Variants in KANSL1 observed in about 807,000 individuals in gnomAD.
KANSL1 encodes the protein MLL1/MLL complex subunit KANSL1.
In KANSL1, 22 loss-of-function variants were observed where a neutral mutation model predicts 103.6. That is an observed-to-expected ratio of 0.21 (90% confidence interval 0.15 to 0.30). The LOEUF is 0.30. Among genes scored for constraint, KANSL1 ranks in the 10% least tolerant of loss-of-function variants. KANSL1 has a pLI of 1.00. For synonymous variants in KANSL1, 600 were observed against 527.6 expected (o/e 1.14, Z -1.88); for missense variants, 1,337 against 1,399.8 (o/e 0.96, Z 0.72).
At chr17:46,187,552 A>T (rs2047089944) in intron 1 of KANSL1, among the ~76,000 whole-genome samples, 1 of 152,252 alleles carries the variant, frequency 6.6e-6, no homozygotes. Flanking sequence ...AATTCTAAAA[A>T]AATTACAGCC....
intron 2 of KANSL1, among the ~76,000 whole-genome samples, chr17:46,132,697 C>G (rs1356176528): frequency 6.6e-6 from 1 of 152,162 alleles, no homozygotes; most frequent in East Asian, 1.9e-4. Context: ...CCTGCAATCC[C>G]GACATTTTGG....
At chr17:46,082,354 A>C in intron 4 of KANSL1, 87 bp downstream of exon 4, 11 of 743,764 alleles carry the variant, frequency 1.5e-5, no homozygotes, top group East Asian at 5.4e-5. Flanking sequence ...AGCCAATGCA[A>C]GGATCCTAGT....
chr17:46,092,165 G>A (rs1353438690), intron 3 of KANSL1, among the ~76,000 whole-genome samples: 2 of 152,162 alleles, frequency 1.3e-5, no homozygotes, highest in Non-Finnish European at 2.9e-5. Flanking sequence ...ACTTTATGAT[G>A]TTCACGCACC....
At chr17:46,167,383 C>T (rs2147692085) in intron 2 of KANSL1, among the ~76,000 whole-genome samples, 1 of 152,316 alleles carries the variant, frequency 6.6e-6, no homozygotes, top group East Asian at 1.9e-4. Flanking sequence ...TTTATTTCTA[C>T]ATCTACAATT....
intron 10 of KANSL1, chr17:46,035,751 A>C (rs1046501751): frequency 6.6e-6 from 1 of 152,328 alleles, no homozygotes; most frequent in Non-Finnish European, 1.5e-5. Flanking sequence ...AATAAATGTG[A>C]AACTGCTGGC....
At chr17:46,032,760 G>C (rs1038059528) in intron 13 of KANSL1, among the ~76,000 whole-genome samples, 1 of 152,146 alleles carries the variant, frequency 6.6e-6, no homozygotes, top group African/African-American at 2.4e-5. Context: ...TTAACTTGTA[G>C]CGAGGCCTTC....
intron 3 of KANSL1, among the ~76,000 whole-genome samples, chr17:46,084,643 T>C (rs1598579248): frequency 3.5e-5 from 5 of 142,662 alleles, no homozygotes; most frequent in Admixed American, 3.0e-4. Flanking sequence ...GACTGTGCCA[T>C]TGCACTCCAG....
intron 3 of KANSL1, among the ~76,000 whole-genome samples, chr17:46,091,159 T>C (rs2079372311): frequency 6.6e-6 from 1 of 152,178 alleles, no homozygotes; most frequent in Non-Finnish European, 1.5e-5. Flanking sequence ...CCTGACCCCA[T>C]GTGGGCCTAC....
intron 4 of KANSL1, among the ~76,000 whole-genome samples, chr17:46,073,503 A>C (rs1159569229): frequency 6.6e-6 from 1 of 152,226 alleles, no homozygotes; most frequent in Admixed American, 6.5e-5. Flanking sequence ...GGTGCAAAAA[A>C]ATACAGGAAA....
chr17:46,115,184 C>T (rs765731592), intron 2 of KANSL1, among the ~76,000 whole-genome samples: 17 of 152,242 alleles, frequency 1.1e-4, no homozygotes, highest in Admixed American at 6.5e-4. Context: ...CTCAGCCTCC[C>T]GTGTAGCTGG....
chr17:46,050,350 G>A lies in KANSL1; in HGVS notation c.2020+183C>T, dbSNP rs2077668835. Reference sequence around the variant, plus strand: ...TCTCATATTAAGTTGCAACCTTTTAGTGGCACCTTCTGGTTTGGTGGATCT... The same window carrying A: ...TCTCATATTAAGTTGCAACCTTTTAATGGCACCTTCTGGTTTGGTGGATCT... On this transcript the variant is annotated intron_variant, in intron 7 of 14. Coordinates refer to ENST00000432791, the MANE Select transcript of KANSL1 (RefSeq NM_015443.4). 5.0e-6 allele frequency: 3 copies of A among 599,132 alleles called. No homozygotes were observed. In the South Asian group the frequency reaches 6.6e-5, roughly 13 times the overall value. 37.1% of individuals were successfully genotyped at this position (599,132 alleles called of 1,614,324 possible). A position where few individuals can be genotyped will look rare whatever the true frequency, so the allele number is the denominator to read the frequency against.
Position 46,119,057 on chromosome 17 carries a change from T to C in KANSL1, c.1290-24356A>G, listed in dbSNP as rs540572624. On this transcript the variant is annotated intron_variant, in intron 2 of 14. Transcript: ENST00000432791. ...ACCAGCCTTAATATTTTCTACTGAA[T>C]TTGCTTTCTCCAGCTGGATCCTATA... is the stretch of plus-strand genomic sequence containing the variant. Among the ~76,000 whole-genome samples the C allele has an allele frequency of 6.6e-5, 10 of 152,344 alleles. No homozygotes were observed. The East Asian group carries it at 1.9e-3, about 29-fold the overall frequency.
rs757048501 is a variant in KANSL1 at position 46,171,560 on chromosome 17, C to A, written c.584G>T (p.Gly195Val). ...SSALHGGEMGGSESGDLKGGM... is the reference protein window; with the variant it reads ...SSALHGGEMGVSESGDLKGGM... ...CCCCTTCAAGTCCCCAGATTCAGAT[C>A]CTCCCATTTCACCCCCATGAAGAGC... Residue 195 changes from glycine to valine, a missense_variant, in exon 2 of 15, where the codon GGA becomes GTA. By Grantham distance (109) the Gly-to-Val change is moderately radical. This residue lies in a region of KANSL1 where 557 missense variants were observed against 476.4 expected (regional missense o/e 1.17). Coordinates refer to ENST00000432791, the MANE Select transcript of KANSL1 (RefSeq NM_015443.4). 4.4e-6 allele frequency: 7 copies of A among 1,608,880 alleles called. No individual in the cohort carries two copies. In the East Asian group the frequency reaches 1.3e-4, roughly 31 times the overall value.
At chr17:46,111,304 G>A (rs967498852) in intron 2 of KANSL1, among the ~76,000 whole-genome samples, 3 of 147,700 alleles carry the variant, frequency 2.0e-5, no homozygotes, top group Middle Eastern at 3.5e-3. Context: ...TCCGCCTCCC[G>A]GGCAAGCCAT....
chr17:46,056,080 C>A (rs971686735), intron 6 of KANSL1, among the ~76,000 whole-genome samples: 41 of 152,244 alleles, frequency 2.7e-4, no homozygotes, highest in African/African-American at 9.9e-4. Context: ...CTCACTGCAA[C>A]CTCCATCTCC....
chr17:46,057,606 G>T (rs1160088056), intron 6 of KANSL1, among the ~76,000 whole-genome samples: 2 of 152,050 alleles, frequency 1.3e-5, no homozygotes, highest in African/African-American at 4.8e-5. Flanking sequence ...CGGCCACCTT[G>T]TGTTTTCTCA....
chr17:46,038,525 C>T lies in KANSL1; in HGVS notation c.2541+13G>A, dbSNP rs1274965071. ...CAGAGGGGGTGTCCGGCCAACCCCA[C>T]ACAGGTACTTACCGATGTGCTGGCT... is the stretch of plus-strand genomic sequence containing the variant. On this transcript the variant is annotated intron_variant, in intron 10 of 14. Transcript: ENST00000432791. 1.2e-6 allele frequency: 2 copies of T among 1,613,402 alleles called. No homozygotes were observed. The highest frequency in any genetic ancestry group is 1.7e-6 in the Non-Finnish European group (2 of 1,179,740).
intron 2 of KANSL1, among the ~76,000 whole-genome samples, chr17:46,159,921 G>A (rs1356088794): frequency 3.9e-5 from 6 of 152,180 alleles, no homozygotes; most frequent in Non-Finnish European, 7.3e-5. Flanking sequence ...GTCCACCCAC[G>A]TACTGTGTGG....
rs535224667 is a variant in KANSL1 at position 46,171,587 on chromosome 17, G to C, written c.557C>G (p.Ser186Cys). The C allele has an allele frequency of 1.3e-6, 2 of 1,593,982 alleles. No individual in the cohort carries two copies. The highest frequency in any genetic ancestry group is 2.2e-5 in the East Asian group (1 of 44,724). ...TCCCATTTCACCCCCATGAAGAGCA[G>C]ATGAAGTGAGAGCCCGTTTTCCCCC... ...LNGGKRALTS[S>C]ALHGGEMGGS... is the part of the protein sequence containing the mutation. Residue 186 changes from serine (S) to cysteine (C), a missense_variant, in exon 2 of 15, where the codon TCT (serine) becomes TGT (cysteine). Physicochemically the swap from Ser to Cys is moderately radical, Grantham distance 112. Around this residue, in one of 2 missense-constraint regions of KANSL1, gnomAD observed 557 missense variants for 476.4 expected, o/e 1.17. Transcript: ENST00000432791.
Sources: allele counts gnomAD v4.1 joint callset (sites outside exome capture counted in the v4.1 genomes callset), GRCh38; gene constraint gnomAD v4.1.1; regional missense constraint gnomAD v4.1.1; transcripts MANE v1.5; gene names NCBI Gene and HGNC (gene_info 2026-07-23, HGNC 2026-07-21).